DMGDH: variants seen among roughly 807,000 people sequenced by gnomAD.
DMGDH encodes dimethylglycine dehydrogenase, also known as dimethylglycine dehydrogenase, mitochondrial.
DMGDH carries 76 observed loss-of-function variants against 95.2 expected under a neutral mutation model. The ratio of observed to expected loss-of-function variants is 0.80; its 90% CI spans 0.66 to 0.97. The LOEUF is 0.97. Among genes scored for constraint, DMGDH ranks in the 50% least tolerant of loss-of-function variants. DMGDH has a pLI of 0.00. For synonymous variants in DMGDH, 345 were observed against 377.6 expected (o/e 0.91, Z 1.00); for missense variants, 987 against 1,055.0 (o/e 0.94, Z 0.89).
chr5:79,029,145 C>T (rs7710910), intron 11 of DMGDH, among the ~76,000 whole-genome samples: 1 of 152,100 alleles, frequency 6.6e-6, no homozygotes, highest in African/African-American at 2.4e-5. Flanking sequence ...GTTATTGGGA[C>T]CCAGCTATAG....
chr5:79,058,694 G>T (rs1454555694), intron 2 of DMGDH, among the ~76,000 whole-genome samples: 1 of 152,172 alleles, frequency 6.6e-6, no homozygotes, highest in African/African-American at 2.4e-5. Flanking sequence ...TAATCATTAA[G>T]AATTACAACC....
intron 11 of DMGDH, 44 bp from the exon 12 acceptor site, chr5:79,028,694 A>C (rs1347283261): frequency 1.3e-6 from 2 of 1,587,070 alleles, no homozygotes; most frequent in African/African-American, 2.7e-5. Context: ...TGCTTGAATA[A>C]TGTACTTTGG....
chr5:79,007,228 AACAGGC>A (rs1156260384), intron 14 of DMGDH, among the ~76,000 whole-genome samples: 2 of 152,234 alleles, frequency 1.3e-5, no homozygotes, highest in African/African-American at 4.8e-5. Context: ...CTATAGTTAA[AACAGGC>A]AGAGTTGACC....
At chr5:79,005,220 T>C in intron 15 of DMGDH, 53 bp downstream of exon 15, 3 of 1,608,638 alleles carry the variant, frequency 1.9e-6, no homozygotes, top group Non-Finnish European at 2.5e-6. Flanking sequence ...ACAAGGGGAG[T>C]TTCTGTTGCA....
intron 7 of DMGDH, among the ~76,000 whole-genome samples, chr5:79,041,633 G>A (rs1215034345): frequency 1.3e-5 from 2 of 152,176 alleles, no homozygotes; most frequent in African/African-American, 4.8e-5. Context: ...GGGGCAAATT[G>A]ACTATCTGAA....
At chr5:79,027,053 CAT>C (rs1344435819) in intron 12 of DMGDH, among the ~76,000 whole-genome samples, 6 of 152,160 alleles carry the variant, frequency 3.9e-5, no homozygotes, top group Admixed American at 3.9e-4. Flanking sequence ...GTGAGAAAGC[CAT>C]AGTCTCTGAC....
At chr5:79,044,786 A>G (rs1198166586) in intron 5 of DMGDH, among the ~76,000 whole-genome samples, 2 of 152,222 alleles carry the variant, frequency 1.3e-5, no homozygotes, top group Non-Finnish European at 2.9e-5. Context: ...GGGGAACTCC[A>G]TTCCTGAAAA....
chr5:79,033,230 G>T lies in DMGDH; in HGVS notation c.1363+9C>A, dbSNP rs1754242246. The T allele has an allele frequency of 6.2e-7, 1 of 1,613,862 alleles. No individual in the cohort carries two copies. Among genetic ancestry groups the T allele is most frequent in the African/African-American group, 1.3e-5 (1 of 74,916 alleles). ...ACACTTTGTAGACAACAGTACATTT[G>T]TACCTTACCAATATTGTTGAATCCA... On this transcript the variant is annotated intron_variant, in intron 8 of 15. Coordinates refer to ENST00000255189, the MANE Select transcript of DMGDH (RefSeq NM_013391.3).
intron 5 of DMGDH, among the ~76,000 whole-genome samples, chr5:79,048,491 G>T (rs1754744210): frequency 6.6e-6 from 1 of 152,160 alleles, no homozygotes; most frequent in African/African-American, 2.4e-5. Flanking sequence ...GTGCTGGTCT[G>T]AGGGCCTTGC....
intron 14 of DMGDH, among the ~76,000 whole-genome samples, chr5:79,007,647 G>C (rs762721070): frequency 1.6e-4 from 25 of 152,166 alleles, no homozygotes; most frequent in Non-Finnish European, 3.2e-4. Flanking sequence ...ACAATAGTCA[G>C]TGACCAAATT....
chr5:79,023,026 C>T (rs1753905159), intron 14 of DMGDH, among the ~76,000 whole-genome samples: 1 of 152,178 alleles, frequency 6.6e-6, no homozygotes, highest in Admixed American at 6.5e-5. Context: ...AAATAAAAGC[C>T]ATGGGGAGAA....
intron 15 of DMGDH, among the ~76,000 whole-genome samples, chr5:79,004,641 T>C (rs1372810248): frequency 6.6e-6 from 1 of 152,200 alleles, no homozygotes; most frequent in Non-Finnish European, 1.5e-5. Context: ...AGTAACTGAA[T>C]GCAGAAAGCT....
In DMGDH at chr5:79,040,812, C is replaced by T. The variant is rs148580504; in HGVS notation, c.1193+1471G>A. Among the ~76,000 whole-genome samples, 303 of 152,320 alleles carry T rather than the reference C, an allele frequency of 2.0e-3. 1 individual carries two copies. The highest frequency in any genetic ancestry group is 6.7e-3 in the African/African-American group (278 of 41,562). On this transcript the variant is annotated intron_variant, in intron 7 of 15. Coordinates refer to ENST00000255189, the MANE Select transcript of DMGDH (RefSeq NM_013391.3). ...GAAAATGGCAAAGGATATGAATAGA[C>T]ATTTCTCCAAAGAAGATACATGAGT...
rs764395701 is a variant in DMGDH, at chr5:79,063,789, T to C, written c.102-2A>G. 4 of 1,614,182 alleles carry C rather than the reference T, an allele frequency of 2.5e-6. No homozygotes were observed. The South Asian group carries it at 3.3e-5, about 13-fold the overall frequency. On this transcript the variant is annotated splice_acceptor_variant, in intron 1 of 15. Coordinates refer to ENST00000255189, the MANE Select transcript of DMGDH (RefSeq NM_013391.3). LOFTEE classifies it high-confidence loss of function. ...GCAGATAAGGGTGGTTTTTCCTCTC[T>C]GGAAGAGGGAAAGTTAAAATGGGAA... is the stretch of plus-strand genomic sequence containing the variant.
intron 7 of DMGDH, among the ~76,000 whole-genome samples, chr5:79,034,824 G>A (rs1350591704): frequency 1.3e-5 from 2 of 152,002 alleles, no homozygotes; most frequent in African/African-American, 4.8e-5. Flanking sequence ...TTGGGAGGCC[G>A]AGACGGGCGG....
intron 11 of DMGDH, among the ~76,000 whole-genome samples, chr5:79,029,275 T>C (rs981207269): frequency 6.6e-6 from 1 of 152,228 alleles, no homozygotes; most frequent in Non-Finnish European, 1.5e-5. Flanking sequence ...GATTGGAGCA[T>C]ATAATTTGCA....
intron 8 of DMGDH, 21 bp downstream of exon 8, chr5:79,033,218 A>G: frequency 6.2e-7 from 1 of 1,613,978 alleles, no homozygotes; most frequent in Non-Finnish European, 8.5e-7. Context: ...CTTTGTAGAC[A>G]ACAGTACATT....
chr5:79,044,269 T>G (rs1754601117), intron 6 of DMGDH, 35 bp downstream of exon 6: 2 of 1,614,122 alleles, frequency 1.2e-6, no homozygotes, highest in East Asian at 4.5e-5. Context: ...ACCATTCATG[T>G]CTGACTAGCA....
At position 79,043,579 on chromosome 5, in the gene DMGDH, G is replaced by A. The variant is rs577584976; in HGVS notation, c.994+725C>T. Among the ~76,000 whole-genome samples the A allele has an allele frequency of 2.2e-4, 33 of 152,308 alleles. 1 individual carries two copies. The highest frequency in any genetic ancestry group is 7.2e-4 in the African/African-American group (30 of 41,558). The stretch of plus-strand genomic sequence containing the variant: ...GCTTATCAAAGTATAATTTTAGGAA[G>A]TACCATTTCCTACATTTCTTTGTAT... On this transcript the variant is annotated intron_variant, in intron 6 of 15. Transcript: ENST00000255189.
Sources: allele counts gnomAD v4.1 joint callset (sites outside exome capture counted in the v4.1 genomes callset), GRCh38; gene constraint gnomAD v4.1.1; transcripts MANE v1.5; gene names NCBI Gene and HGNC (gene_info 2026-07-23, HGNC 2026-07-21).